Variants in SNX25 observed in about 807,000 individuals in gnomAD.
The protein encoded by SNX25 is sorting nexin 25.
Under a neutral mutation model 113.7 loss-of-function variants are expected in SNX25, and 62 were observed. The ratio of observed to expected loss-of-function variants is 0.55; its 90% CI spans 0.44 to 0.67. The LOEUF (loss-of-function observed/expected upper bound fraction) is 0.67, where lower values mean the gene tolerates loss of function less well. SNX25 is among the 30% of genes least tolerant of loss of function. SNX25 has a pLI of 0.00. For missense variants in SNX25, 1,014 were observed against 1,161.0 expected (o/e 0.87, Z 1.84); for synonymous variants, 421 against 436.2 (o/e 0.97, Z 0.43).
intron 13 of SNX25, 93 bp downstream of exon 13, chr4:185,346,743 G>T: frequency 2.5e-6 from 2 of 785,492 alleles, no homozygotes; most frequent in Non-Finnish European, 4.0e-6. Flanking sequence ...TTTGCTTTTT[G>T]TTCTCACAAG....
chr4:185,313,191 A>G (rs2095044609), intron 7 of SNX25, among the ~76,000 whole-genome samples: 2 of 152,242 alleles, frequency 1.3e-5, no homozygotes, highest in Admixed American at 1.3e-4. Context: ...AAGAAACTAA[A>G]CATAAAGGCA....
chr4:185,243,010 A>G (rs1052093642), intron 1 of SNX25, among the ~76,000 whole-genome samples: 1 of 152,146 alleles, frequency 6.6e-6, no homozygotes, highest in African/African-American at 2.4e-5. Flanking sequence ...GATAGGAAAA[A>G]AGAACTGTTT....
chr4:185,341,808 A>G (rs1178504473), intron 11 of SNX25, among the ~76,000 whole-genome samples, 168 bp from the exon 12 acceptor site: 1 of 152,202 alleles, frequency 6.6e-6, no homozygotes, highest in Non-Finnish European at 1.5e-5. Context: ...ACTATGCCAT[A>G]TAATGTATCT....
chr4:185,348,581 G>C (rs2095299657), intron 13 of SNX25, among the ~76,000 whole-genome samples: 1 of 152,042 alleles, frequency 6.6e-6, no homozygotes, highest in Non-Finnish European at 1.5e-5. Context: ...ATCTTTAGTA[G>C]AGACGGGGTT....
rs200119083 is a variant in SNX25 at position 185,310,682 on chromosome 4, A to G, written c.1210A>G (p.Met404Val). 65 of 1,614,080 alleles carry G rather than the reference A, an allele frequency of 4.0e-5. No homozygotes were observed. In the African/African-American group the frequency reaches 8.1e-4, roughly 20 times the overall value. Reference sequence around the variant, plus strand: ...AGCTGATCTCCTGAGGGCCAGGAACATGAAGAGGTACATCAACCAACTGAC... The same window carrying G: ...AGCTGATCTCCTGAGGGCCAGGAACGTGAAGAGGTACATCAACCAACTGAC... ...MKADLLRARN[M>V]KRYINQLTVA... The change falls in exon 7 of 19, where the codon ATG (methionine) becomes GTG (valine). Residue 404 changes from methionine (M) to valine (V), a missense_variant. Transcript: ENST00000652585.
intron 5 of SNX25, among the ~76,000 whole-genome samples, chr4:185,286,491 T>G (rs1751368594): frequency 6.6e-6 from 1 of 152,010 alleles, no homozygotes; most frequent in Admixed American, 6.6e-5. Flanking sequence ...CACAGAAAAA[T>G]GAGGGAAGGG....
At chr4:185,253,064 A>G (rs1289430360) in intron 2 of SNX25, among the ~76,000 whole-genome samples, 1 of 132,096 alleles carries the variant, frequency 7.6e-6, no homozygotes, top group South Asian at 2.5e-4. Flanking sequence ...CTGACAGAAG[A>G]TAGGAAAAAG....
At chr4:185,263,463 G>T (rs913570528) in intron 3 of SNX25, among the ~76,000 whole-genome samples, 1 of 152,130 alleles carries the variant, frequency 6.6e-6, no homozygotes, top group African/African-American at 2.4e-5. Context: ...TTCCTTTCAT[G>T]TTGCTGGCTT....
At chr4:185,374,271 G>A (rs74966485), downstream of SNX25, 623 of 1,613,944 alleles carry the variant, frequency 3.9e-4, 1 homozygote, top group African/African-American at 7.7e-3. Flanking sequence ...TGTTATTCTC[G>A]GTTTCAGCAT....
chr4:185,271,353 A>T (rs868249877), intron 5 of SNX25, among the ~76,000 whole-genome samples: 1 of 152,192 alleles, frequency 6.6e-6, no homozygotes, highest in African/African-American at 2.4e-5. Context: ...ATCTCAGCTC[A>T]CTGCAACCTC....
At chr4:185,253,140 A>T (rs867687852) in intron 2 of SNX25, among the ~76,000 whole-genome samples, 2 of 152,230 alleles carry the variant, frequency 1.3e-5, no homozygotes, top group Non-Finnish European at 2.9e-5. Context: ...AATTTTCACT[A>T]GCCTGCCCTA....
rs971265486 is a variant in SNX25 at position 185,334,154 on chromosome 4, C to T, written c.1914+1395C>T. ...AGGAGCTCGAGGCCAGCCTGGCCAACATGATGAAACCCTGTGTCTACTAAA... is the reference window on the plus strand; with the variant it reads ...AGGAGCTCGAGGCCAGCCTGGCCAATATGATGAAACCCTGTGTCTACTAAA... On this transcript the variant is annotated intron_variant, in intron 10 of 18. Coordinates refer to ENST00000652585, the MANE Select transcript of SNX25 (RefSeq NM_001378034.2). This position sits in a 1 kb window ranked among gnomAD's most constrained non-coding sequence, Gnocchi z 4.2. 1.3e-5 allele frequency among the ~76,000 whole-genome samples: 2 copies of T among 151,838 alleles called. No homozygotes were observed. The highest frequency in any genetic ancestry group is 2.4e-5 in the African/African-American group (1 of 41,304).
At chr4:185,376,573 C>A in the SNX25 span, among the ~76,000 whole-genome samples, 1 of 151,320 alleles carries the variant, frequency 6.6e-6, no homozygotes, top group Non-Finnish European at 1.5e-5. Flanking sequence ...GGATTACAGG[C>A]GTGAGCCACC....
chr4:185,232,152 G>T lies in SNX25; in HGVS notation c.430-15142G>T, dbSNP rs1414440024. ...CAAAGAATGGACTCAGAGACATGAA[G>T]AACAGCAGAAGAGAGACTTTTAATG... On this transcript the variant is annotated intron_variant, in intron 1 of 18. Transcript: ENST00000652585. The surrounding 1 kb of genome is among the most constrained non-coding windows in gnomAD (Gnocchi z 4.4). Among the ~76,000 whole-genome samples the T allele has an allele frequency of 6.6e-6, 1 of 152,182 alleles. No individual in the cohort carries two copies. The highest frequency in any genetic ancestry group is 2.4e-5 in the African/African-American group (1 of 41,442).
At chr4:185,353,366 A>G in intron 14 of SNX25, 119 bp from the exon 15 acceptor site, 1 of 720,094 alleles carries the variant, frequency 1.4e-6, no homozygotes, top group Non-Finnish European at 2.4e-6. Context: ...CATGAAAACT[A>G]AAGAATTAAG....
intron 10 of SNX25, among the ~76,000 whole-genome samples, chr4:185,335,852 G>T (rs1052207562): frequency 6.6e-6 from 1 of 152,146 alleles, no homozygotes; most frequent in Admixed American, 6.5e-5. Context: ...GAGCAAATAT[G>T]CTGGTTATGG....
intron 2 of SNX25, among the ~76,000 whole-genome samples, chr4:185,254,835 A>T (rs1203624004): frequency 6.6e-6 from 1 of 150,994 alleles, no homozygotes; most frequent in Non-Finnish European, 1.5e-5. Context: ...GGTGGGTGTT[A>T]TCATGCCTTT....
chr4:185,328,891 G>A (rs1196168165), intron 9 of SNX25, among the ~76,000 whole-genome samples: 3 of 152,140 alleles, frequency 2.0e-5, no homozygotes, highest in African/African-American at 4.8e-5. Flanking sequence ...GGGGGCAGGA[G>A]GGGCCACCAG....
rs748672334 is a variant in SNX25, at chr4:185,363,498, G to A, written c.*33G>A. 1 of 1,582,642 alleles carries A rather than the reference G, an allele frequency of 6.3e-7. No homozygotes were observed. The highest frequency in any genetic ancestry group is 1.1e-5 in the South Asian group (1 of 90,446). ...CAAATAAACCACCAGAAAAATGTCT[G>A]TGTAATAATAGACATGAAACATTTT... is the stretch of plus-strand genomic sequence containing the variant. On this transcript the variant is annotated 3_prime_UTR_variant, in exon 19 of 19. Transcript: ENST00000652585. This position sits in a 1 kb window ranked among gnomAD's most constrained non-coding sequence, Gnocchi z 4.2.
Sources: allele counts gnomAD v4.1 joint callset (sites outside exome capture counted in the v4.1 genomes callset), GRCh38; gene constraint gnomAD v4.1.1; non-coding constraint Gnocchi (gnomAD v3.1); transcripts MANE v1.5; gene names NCBI Gene and HGNC (gene_info 2026-07-23, HGNC 2026-07-21).